The following LAMA1 variants were observed in gnomAD, a reference collection of about 807,000 sequenced individuals.
LAMA1 encodes laminin subunit alpha 1.
Under a neutral mutation model 348.7 loss-of-function variants are expected in LAMA1, and 219 were observed. The observed-to-expected ratio is 0.63, with a 90% CI of 0.56 to 0.70. The LOEUF is 0.70. Among genes scored for constraint, LAMA1 ranks in the 30% least tolerant of loss-of-function variants. The probability of loss-of-function intolerance (pLI) is 0.00; values close to 1 mark genes in which losing one functional copy is unlikely to be tolerated. For synonymous variants in LAMA1, 1,487 were observed against 1,491.0 expected, an observed-to-expected ratio of 1.00 and a Z score of 0.06; for missense variants, 3,744 against 3,888.0, an observed-to-expected ratio of 0.96 and a Z score of 0.99.
Position 7,011,376 on chromosome 18 carries a change from T to A in LAMA1, c.3611A>T (p.Asp1204Val), listed in dbSNP as rs952253740. The A allele has an allele frequency of 1.2e-6, 2 of 1,611,800 alleles. No individual in the cohort carries two copies. The highest frequency in any genetic ancestry group is 2.2e-5 in the East Asian group (1 of 44,818). ...VYYQAPDFLL[D>V]AATVRQHIRA... is the part of the protein sequence containing the mutation. ...GATGTGCTGCCGGACGGTGGCGGCA[T>A]CCAGCAGGAAGTCGGGGGCCTGGTA... The change falls in exon 25 of 63, where the codon GAT becomes GTT. Residue 1204 changes from aspartate to valine, a missense_variant. Physicochemically the swap from Asp to Val is radical, Grantham distance 152. Around this residue, in one of 3 missense-constraint regions of LAMA1, gnomAD observed 1,529 missense variants for 1,689.4 expected, o/e 0.91. Transcript: ENST00000389658.
intron 58 of LAMA1, 58 bp downstream of exon 58, chr18:6,950,724 C>T (rs891767760): frequency 5.1e-6 from 8 of 1,583,350 alleles, no homozygotes; most frequent in Middle Eastern, 2.0e-4. Flanking sequence ...GGAGTGAACC[C>T]GAGTGATAGA....
intron 32 of LAMA1, among the ~76,000 whole-genome samples, chr18:6,998,365 G>C (rs559742441): frequency 6.6e-6 from 1 of 152,108 alleles, no homozygotes; most frequent in Non-Finnish European, 1.5e-5. Context: ...ACTGGAGAAC[G>C]GATGCACCTA....
intron 7 of LAMA1, 117 bp downstream of exon 7, chr18:7,044,605 A>T: frequency 2.3e-6 from 2 of 859,816 alleles, no homozygotes; most frequent in Non-Finnish European, 4.0e-6. Context: ...TTTGGAAACT[A>T]CTTAAATTTC....
At chr18:6,979,826 G>A (rs2057701825) in intron 42 of LAMA1, among the ~76,000 whole-genome samples, 1 of 152,122 alleles carries the variant, frequency 6.6e-6, no homozygotes, top group African/African-American at 2.4e-5. Flanking sequence ...GTGAACCCGG[G>A]GGGCGGAGCT....
At chr18:7,058,219 G>A (rs2058090158) in intron 3 of LAMA1, among the ~76,000 whole-genome samples, 1 of 152,256 alleles carries the variant, frequency 6.6e-6, no homozygotes, top group African/African-American at 2.4e-5. Context: ...CAGCCGTAGT[G>A]AAAAACTTCA....
chr18:7,028,834 G>A (rs763391793), intron 16 of LAMA1, among the ~76,000 whole-genome samples: 3 of 152,200 alleles, frequency 2.0e-5, no homozygotes, highest in Non-Finnish European at 2.9e-5. Flanking sequence ...ACTGACCCCC[G>A]GGCAGCTACG....
At chr18:7,010,968 T>C (rs1262092177) in intron 25 of LAMA1, among the ~76,000 whole-genome samples, 1 of 152,210 alleles carries the variant, frequency 6.6e-6, no homozygotes, top group Non-Finnish European at 1.5e-5. Context: ...GAGATTATAA[T>C]AATAACTTTC....
At chr18:7,097,984 C>G (rs983778872) in intron 1 of LAMA1, among the ~76,000 whole-genome samples, 5 of 149,900 alleles carry the variant, frequency 3.3e-5, no homozygotes, top group African/African-American at 9.7e-5. Context: ...CTCAGCCTGC[C>G]TAGTGCCTGC....
chr18:7,074,599 T>C (rs1313665810), intron 3 of LAMA1, among the ~76,000 whole-genome samples: 1 of 152,176 alleles, frequency 6.6e-6, no homozygotes, highest in African/African-American at 2.4e-5. Context: ...TGAGCAGCAT[T>C]TTATTAATGG....
At position 7,023,186 on chromosome 18, in the gene LAMA1, A is replaced by G. The variant is rs765440146; in HGVS notation, c.2679T>C (p.Ala893=). The change falls in exon 19 of 63, where the codon GCT becomes GCC. Residue 893 remains alanine (A), a synonymous_variant. Coordinates refer to ENST00000389658, the MANE Select transcript of LAMA1 (RefSeq NM_005559.4). ...ERCADGFYGD[A]VTAKNCRACE... ...CACCGCGGCAGTTCTTGGCTGTCAC[A>G]GCGTCCCCATAGAACCCGTCAGCAC... 1 of 1,612,888 alleles carries G rather than the reference A, an allele frequency of 6.2e-7. No homozygotes were observed. The highest frequency in any genetic ancestry group is 1.1e-5 in the South Asian group (1 of 90,970).
intron 7 of LAMA1, among the ~76,000 whole-genome samples, 156 bp downstream of exon 7, chr18:7,044,566 A>C (rs1397771941): frequency 6.6e-6 from 1 of 152,224 alleles, no homozygotes; most frequent in African/African-American, 2.4e-5. Context: ...TTAGGCCACA[A>C]TAGTTAAAAT....
rs750608121 is a variant in LAMA1 at position 7,080,429 on chromosome 18, G to A, written c.90C>T (p.Ala30=). The change falls in exon 2 of 63, where the codon GCC becomes GCT. Residue 30 remains alanine (A), a synonymous_variant. Coordinates refer to ENST00000389658, the MANE Select transcript of LAMA1 (RefSeq NM_005559.4). ...RGLFPAILNL[A]SNAHISTNAT... is the part of the protein sequence containing the mutation. ...CATTGGTGCTGATGTGAGCATTGCT[G>A]GCAAGATTGAGAATGGCAGGAAACA... 1.9e-6 allele frequency: 3 copies of A among 1,614,090 alleles called. No homozygotes were observed. Among genetic ancestry groups the A allele is most frequent in the Non-Finnish European group, 2.5e-6 (3 of 1,180,058 alleles).
chr18:7,038,686 C>G, intron 11 of LAMA1, 124 bp downstream of exon 11: 5 of 1,312,204 alleles, frequency 3.8e-6, no homozygotes, highest in South Asian at 3.5e-5. Flanking sequence ...ACGTCAGTAT[C>G]ATTGCATAGC....
At chr18:7,108,998 G>C (rs1247897912) in intron 1 of LAMA1, among the ~76,000 whole-genome samples, 1 of 152,182 alleles carries the variant, frequency 6.6e-6, no homozygotes, top group Non-Finnish European at 1.5e-5. Flanking sequence ...ATTTGAACCA[G>C]AAACCCAAAG....
At chr18:6,997,314 G>A (rs1194866609) in intron 33 of LAMA1, among the ~76,000 whole-genome samples, 2 of 152,170 alleles carry the variant, frequency 1.3e-5, no homozygotes, top group Admixed American at 6.5e-5. Context: ...CACCCGCCTT[G>A]GCCCCCCAAA....
In LAMA1 at chr18:7,017,349, C is replaced by T. The variant is rs762641681; in HGVS notation, c.2737G>A (p.Val913Met). 79 of 1,613,860 alleles carry T rather than the reference C, an allele frequency of 4.9e-5. 1 individual carries two copies. Among genetic ancestry groups the T allele is most frequent in the South Asian group, 2.4e-4 (22 of 91,016 alleles). Residue 913 changes from valine (V) to methionine (M), a missense_variant, in exon 20 of 63, where the codon GTG (valine) becomes ATG (methionine). Physicochemically the swap from Val to Met is conservative, Grantham distance 21. Coordinates refer to ENST00000389658, the MANE Select transcript of LAMA1 (RefSeq NM_005559.4). ...ECHVKGSHSA[V>M]CHLETGLCDC... ...CAGAGCCCGGTCTCAAGATGGCACACGGCAGAATGGGAGCCTTTCACATGG... is the reference window on the plus strand; with the variant it reads ...CAGAGCCCGGTCTCAAGATGGCACATGGCAGAATGGGAGCCTTTCACATGG...
rs919565565 is a variant in LAMA1 at position 7,017,148 on chromosome 18, A to G, written c.2808+130T>C. 1.0e-5 allele frequency: 8 copies of G among 774,114 alleles called. No individual in the cohort carries two copies. In the Admixed American group the frequency reaches 1.2e-4, roughly 12 times the overall value. The allele number at this position is 774,114 out of a possible 1,614,324, so 48.0% of individuals were successfully genotyped here. The stretch of plus-strand genomic sequence containing the variant: ...AACCTCCTTTGTTGATAAATTCCCC[A>G]GTCTTGGGTAGTATCTCTATAGCAG... On this transcript the variant is annotated intron_variant, in intron 20 of 62. Transcript: ENST00000389658.
rs142663020 is a variant in LAMA1, at chr18:6,949,272, G to A, written c.8398-13C>T. 1.0e-3 allele frequency: 1,655 copies of A among 1,613,932 alleles called. 11 individuals are homozygous for A. In the African/African-American group the frequency reaches 0.019, roughly 19 times the overall value. On this transcript the variant is annotated splice_polypyrimidine_tract_variant and intron_variant, in intron 58 of 62. Coordinates refer to ENST00000389658, the MANE Select transcript of LAMA1 (RefSeq NM_005559.4). ...AGTCTGTCTTGACCTACAGCAAAGT[G>A]AAAACATGCATAATTTTTGAGGAAT...
At chr18:7,093,173 T>C (rs1226847394) in intron 1 of LAMA1, among the ~76,000 whole-genome samples, 1 of 152,134 alleles carries the variant, frequency 6.6e-6, no homozygotes, top group African/African-American at 2.4e-5. Flanking sequence ...TCCCAGCACT[T>C]TGGGAGGCCG....
Sources: gnomAD v4.1 joint callset for allele counts (sites outside exome capture counted in the v4.1 genomes callset) on GRCh38, gnomAD v4.1.1 for gene constraint, gnomAD v4.1.1 regional missense constraint, MANE v1.5 for transcripts, NCBI Gene and HGNC (gene_info 2026-07-23, HGNC 2026-07-21) for gene names.